The following KIAA0319 variants were observed in gnomAD, a reference collection of about 807,000 sequenced individuals.
KIAA0319 encodes KIAA0319, also known as dyslexia-associated protein KIAA0319.
KIAA0319 carries 83 observed loss-of-function variants against 108.4 expected under a neutral mutation model. That is an observed-to-expected ratio of 0.77 (90% CI 0.64 to 0.92). The LOEUF is 0.92. Ranked by LOEUF, KIAA0319 falls within the 40% of genes least tolerant of loss-of-function variation. The pLI, the probability that KIAA0319 is intolerant of heterozygous loss-of-function variation, is 0.00. For missense variants in KIAA0319, 1,195 were observed against 1,322.4 expected (o/e 0.90, Z 1.49); for synonymous variants, 484 against 510.4 (o/e 0.95, Z 0.70).
Position 24,601,032 on chromosome 6 carries a change from G to A in KIAA0319, c.55+17C>T. 6.2e-7 allele frequency: 1 copy of A among 1,613,812 alleles called. No homozygotes were observed. Among genetic ancestry groups the A allele is most frequent in the South Asian group, 1.1e-5 (1 of 91,008 alleles). On this transcript the variant is annotated intron_variant, in intron 2 of 20. Transcript: ENST00000378214. ...CTCAAGTCCAACACGGGTATCTCCA[G>A]GGTAGTAGTTCCCTACCTGCAATTG... is the stretch of plus-strand genomic sequence containing the variant.
chr6:24,548,038 AAAAAAC>A (rs1052420767), intron 20 of KIAA0319, among the ~76,000 whole-genome samples: 57 of 152,350 alleles, frequency 3.7e-4, no homozygotes, highest in African/African-American at 1.2e-3. Flanking sequence ...GTCTCGGGAA[AAAAAAC>A]AAAAACAAGA....
At chr6:24,563,244 G>T in intron 16 of KIAA0319, 115 bp downstream of exon 16, 1 of 1,185,564 alleles carries the variant, frequency 8.4e-7, no homozygotes, top group Non-Finnish European at 1.2e-6. Context: ...TGGGATAAAA[G>T]TGTGTCAAAA....
At chr6:24,540,846 A>G (rs1475800727), downstream of KIAA0319, among the ~76,000 whole-genome samples, 1 of 152,198 alleles carries the variant, frequency 6.6e-6, no homozygotes, top group East Asian at 1.9e-4. Context: ...CTTATTACCT[A>G]TGTAATACAA....
intron 14 of KIAA0319, among the ~76,000 whole-genome samples, chr6:24,565,160 G>A (rs566231160): frequency 3.9e-4 from 60 of 152,154 alleles, no homozygotes; most frequent in African/African-American, 1.4e-3. Flanking sequence ...GGCTGAGGCA[G>A]GAGAATGGCT....
rs560442119 is a variant in KIAA0319, at chr6:24,549,461, T to C, written c.3040+1973A>G. On this transcript the variant is annotated intron_variant, in intron 20 of 20. Coordinates refer to ENST00000378214, the MANE Select transcript of KIAA0319 (RefSeq NM_014809.4). ...AATTTGCCTTCCCAGCCTCCAGAAC[T>C]GTGGGTAATAAATATCTGTTGTTCA... is the stretch of plus-strand genomic sequence containing the variant. 1.3e-3 allele frequency among the ~76,000 whole-genome samples: 194 copies of C among 152,128 alleles called. 1 individual carries two copies. Among genetic ancestry groups the C allele is most frequent in the African/African-American group, 4.4e-3 (182 of 41,514 alleles).
At chr6:24,632,235 C>A (rs971490520) in intron 1 of KIAA0319, among the ~76,000 whole-genome samples, 34 of 152,128 alleles carry the variant, frequency 2.2e-4, no homozygotes, top group Admixed American at 2.2e-3. Flanking sequence ...AAATAATAGT[C>A]ATTTATAATA....
chr6:24,578,384 A>C (rs1765860237), intron 8 of KIAA0319, 142 bp from the exon 9 acceptor site: 3 of 510,436 alleles, frequency 5.9e-6, no homozygotes, highest in Non-Finnish European at 9.7e-6. Flanking sequence ...ATACTGTATT[A>C]GAAGGAGATT....
intron 9 of KIAA0319, 72 bp from the exon 10 acceptor site, chr6:24,576,668 C>T: frequency 8.2e-7 from 1 of 1,224,820 alleles, no homozygotes; most frequent in South Asian, 1.3e-5. Flanking sequence ...GCCTGTAATC[C>T]CAACACTGTG....
rs578096256 is a variant in KIAA0319, at chr6:24,584,302, T to C, written c.995-600A>G. ...GTAAGCATTCAGAACAATACTTGTTTACTTTCTCTGTAACCAGATTACATT... is the reference window on the plus strand; with the variant it reads ...GTAAGCATTCAGAACAATACTTGTTCACTTTCTCTGTAACCAGATTACATT... On this transcript the variant is annotated intron_variant, in intron 4 of 20. Transcript: ENST00000378214. 4.6e-5 allele frequency among the ~76,000 whole-genome samples: 7 copies of C among 152,312 alleles called. No individual in the cohort carries two copies. In the East Asian group the frequency reaches 1.2e-3, roughly 25 times the overall value.
At chr6:24,586,932 G>T (rs1767592198) in intron 4 of KIAA0319, among the ~76,000 whole-genome samples, 1 of 151,838 alleles carries the variant, frequency 6.6e-6, no homozygotes, top group South Asian at 2.1e-4. Context: ...ATAGAACAAT[G>T]TCCCCAAAGT....
intron 9 of KIAA0319, among the ~76,000 whole-genome samples, chr6:24,577,699 A>G (rs1765742934): frequency 6.6e-6 from 1 of 152,202 alleles, no homozygotes; most frequent in Non-Finnish European, 1.5e-5. Flanking sequence ...TACTCCACAC[A>G]ACCAAGATCC....
chr6:24,543,023 C>T (rs889879087), downstream of KIAA0319, among the ~76,000 whole-genome samples: 1 of 152,242 alleles, frequency 6.6e-6, no homozygotes, highest in African/African-American at 2.4e-5. Context: ...AGAACGCTTG[C>T]TTTGTTTTTT....
intron 3 of KIAA0319, among the ~76,000 whole-genome samples, chr6:24,589,441 C>T (rs1768104203): frequency 6.6e-6 from 1 of 152,196 alleles, no homozygotes; most frequent in Non-Finnish European, 1.5e-5. Context: ...TGTGCCCCCA[C>T]CCAAATCTCA....
intron 3 of KIAA0319, among the ~76,000 whole-genome samples, chr6:24,595,555 A>AC (rs1163003930): frequency 6.7e-6 from 1 of 148,180 alleles, no homozygotes; most frequent in African/African-American, 2.5e-5. Context: ...TCAAAAAAAA[A>AC]AAAAAAAAAA....
intron 1 of KIAA0319, among the ~76,000 whole-genome samples, chr6:24,635,908 G>A (rs577624443): frequency 1.3e-5 from 2 of 152,208 alleles, no homozygotes; most frequent in African/African-American, 4.8e-5. Context: ...ACAGGCAAGT[G>A]GGTAGGCATC....
At chr6:24,629,689 G>A (rs573616492) in intron 1 of KIAA0319, among the ~76,000 whole-genome samples, 1 of 152,062 alleles carries the variant, frequency 6.6e-6, no homozygotes, top group Admixed American at 6.6e-5. Flanking sequence ...TGACTGAAAC[G>A]TTGCTGTCCC....
chr6:24,622,895 C>T (rs1161137995), intron 1 of KIAA0319, among the ~76,000 whole-genome samples: 2 of 151,990 alleles, frequency 1.3e-5, no homozygotes, highest in Non-Finnish European at 2.9e-5. Flanking sequence ...AAAAATTAGT[C>T]GGACATGGTG....
At chr6:24,553,839 C>T (rs578002988) in intron 19 of KIAA0319, among the ~76,000 whole-genome samples, 1 of 152,334 alleles carries the variant, frequency 6.6e-6, no homozygotes, top group African/African-American at 2.4e-5. Context: ...GAGTAGCATG[C>T]CCAGAGAGGG....
chr6:24,573,294 A>T (rs1259256888), intron 10 of KIAA0319, among the ~76,000 whole-genome samples: 2 of 152,212 alleles, frequency 1.3e-5, no homozygotes, highest in Non-Finnish European at 2.9e-5. Flanking sequence ...TACCCCAGAG[A>T]AATGCACAAG....
Sources: allele counts gnomAD v4.1 joint callset (sites outside exome capture counted in the v4.1 genomes callset), GRCh38; gene constraint gnomAD v4.1.1; transcripts MANE v1.5; gene names NCBI Gene and HGNC (gene_info 2026-07-23, HGNC 2026-07-21).